NR2C1: variants seen among roughly 807,000 people sequenced by gnomAD.
The protein encoded by NR2C1 is TR2 nuclear hormone receptor.
NR2C1 carries 33 observed loss-of-function variants against 74.8 expected under a neutral mutation model. That is an observed-to-expected ratio of 0.44 (90% CI 0.33 to 0.59). The LOEUF (loss-of-function observed/expected upper bound fraction) is 0.59. NR2C1 is among the 20% of genes least tolerant of loss of function. NR2C1 has a pLI of 0.02. For missense variants in NR2C1, 568 were observed against 715.6 expected, an observed-to-expected ratio of 0.79 and a Z score of 2.35; for synonymous variants, 225 against 240.6, an observed-to-expected ratio of 0.94 and a Z score of 0.60.
At chr12:95,030,322 C>A in intron 11 of NR2C1, 3 of 561,434 alleles carry the variant, frequency 5.3e-6, no homozygotes, top group Admixed American at 4.4e-5. Flanking sequence ...TGAGCAAAAC[C>A]ATCTACATGT....
Position 95,051,947 on chromosome 12 carries a change from T to A in NR2C1, c.784-4A>T. 1.9e-5 allele frequency: 29 copies of A among 1,524,932 alleles called. No homozygotes were observed. Among genetic ancestry groups the A allele is most frequent in the South Asian group, 7.5e-5 (6 of 79,486 alleles). The allele number at this position is 1,524,932 out of a possible 1,614,324, so 94.5% of individuals were successfully genotyped here. A position where few individuals can be genotyped will look rare whatever the true frequency, so the allele number is the denominator to read the frequency against. On this transcript the variant is annotated splice_region_variant and splice_polypyrimidine_tract_variant and intron_variant, in intron 7 of 13. Transcript: ENST00000333003. ...AATCTCCCTGACATGATTCAGCCTT[T>A]AAAAAAAAGGGTATTAAAATTCTGT...
intron 7 of NR2C1, among the ~76,000 whole-genome samples, chr12:95,056,137 G>A (rs571769374): frequency 1.8e-4 from 28 of 151,684 alleles, no homozygotes; most frequent in African/African-American, 6.3e-4. Flanking sequence ...ACAGTGTCAC[G>A]TGCCTGCAGC....
chr12:95,035,018 A>G (rs1870641741), intron 10 of NR2C1, among the ~76,000 whole-genome samples: 2 of 152,224 alleles, frequency 1.3e-5, no homozygotes, highest in Admixed American at 1.3e-4. Context: ...TGGATATAAT[A>G]ACAAAGAAAA....
At chr12:95,028,696 C>T (rs1294949786) in intron 11 of NR2C1, among the ~76,000 whole-genome samples, 172 bp from the exon 12 acceptor site, 1 of 152,176 alleles carries the variant, frequency 6.6e-6, no homozygotes, top group Admixed American at 6.5e-5. Flanking sequence ...GTGCGGTGAT[C>T]TTGGCTCACT....
rs1873036743 is a variant in NR2C1 at position 95,051,748 on chromosome 12, A to G, written c.965+14T>C. 6.3e-7 allele frequency: 1 copy of G among 1,578,464 alleles called. No individual in the cohort carries two copies. The highest frequency in any genetic ancestry group is 1.4e-5 in the African/African-American group (1 of 72,776). On this transcript the variant is annotated intron_variant, in intron 8 of 13. Transcript: ENST00000333003. The stretch of plus-strand genomic sequence containing the variant: ...TGTAAACAAAAGGACATTGATAATC[A>G]AAAGATACCTTACCTTGAAACATCA...
At chr12:95,069,852 TA>T (rs62953662) in intron 1 of NR2C1, among the ~76,000 whole-genome samples, 2 of 150,760 alleles carry the variant, frequency 1.3e-5, no homozygotes, top group African/African-American at 2.4e-5. Context: ...CTCAACCTTA[TA>T]AAAAAAAAGC....
At chr12:95,027,245 G>A (rs1339586092) in intron 12 of NR2C1, among the ~76,000 whole-genome samples, 1 of 152,018 alleles carries the variant, frequency 6.6e-6, no homozygotes, top group Non-Finnish European at 1.5e-5. Flanking sequence ...GATTTTTGTA[G>A]AGAAGAGGTC....
intron 10 of NR2C1, among the ~76,000 whole-genome samples, chr12:95,031,864 A>G (rs1870153374): frequency 6.6e-6 from 1 of 152,314 alleles, no homozygotes; most frequent in Admixed American, 6.5e-5. Context: ...AGAAAGAGCA[A>G]TTCAAATTAT....
intron 11 of NR2C1, chr12:95,030,622 C>A (rs1266968573): frequency 6.2e-7 from 1 of 1,612,896 alleles, no homozygotes; most frequent in African/African-American, 1.3e-5. Context: ...AAGGTGATTA[C>A]CCCTCTGCTG....
At chr12:95,063,686 A>AAG (rs397762240) in intron 2 of NR2C1, among the ~76,000 whole-genome samples, 1 of 150,724 alleles carries the variant, frequency 6.6e-6, no homozygotes, top group African/African-American at 2.5e-5. Flanking sequence ...AAAAAAAAAA[A>AAG]GAAGTATAAA....
chr12:95,037,850 G>A (rs1011903401), intron 10 of NR2C1, among the ~76,000 whole-genome samples: 7 of 146,028 alleles, frequency 4.8e-5, no homozygotes, highest in South Asian at 2.1e-4. Context: ...AGCGGAGATC[G>A]TGCCACTGCA....
intron 2 of NR2C1, chr12:95,067,070 A>C: frequency 2.0e-6 from 1 of 503,328 alleles, no homozygotes; most frequent in Non-Finnish European, 3.5e-6. Flanking sequence ...ACAGCTCTTT[A>C]ATTTCTTTCC....
intron 9 of NR2C1, among the ~76,000 whole-genome samples, chr12:95,043,340 A>G (rs934788740): frequency 3.3e-5 from 5 of 152,100 alleles, no homozygotes; most frequent in African/African-American, 1.2e-4. Context: ...GGGAATTACC[A>G]AAAATTACTA....
chr12:95,057,404 C>G, intron 7 of NR2C1, 149 bp downstream of exon 7: 2 of 593,974 alleles, frequency 3.4e-6, no homozygotes, highest in Non-Finnish European at 5.6e-6. Context: ...TGTGCCCAGC[C>G]GAACATTTCT....
intron 1 of NR2C1, among the ~76,000 whole-genome samples, chr12:95,071,246 G>C (rs1876553136): frequency 6.6e-6 from 1 of 151,628 alleles, no homozygotes; most frequent in Non-Finnish European, 1.5e-5. Context: ...TTTTTACCCA[G>C]TCTTTCTTGA....
intron 11 of NR2C1, chr12:95,030,785 G>A: frequency 6.2e-7 from 1 of 1,612,812 alleles, no homozygotes; most frequent in Non-Finnish European, 8.5e-7. Flanking sequence ...ACTGTTTTGG[G>A]TAGTCATAAG....
chr12:95,058,549 T>A, intron 4 of NR2C1, 60 bp from the exon 5 acceptor site: 1 of 1,365,658 alleles, frequency 7.3e-7, no homozygotes. Flanking sequence ...AGAAATGACA[T>A]AAGCCAATTT....
intron 1 of NR2C1, among the ~76,000 whole-genome samples, chr12:95,071,061 T>A (rs1876522783): frequency 6.6e-6 from 1 of 151,882 alleles, no homozygotes; most frequent in Non-Finnish European, 1.5e-5. Flanking sequence ...TTTAGCCGGG[T>A]GTGGTGGACG....
intron 9 of NR2C1, among the ~76,000 whole-genome samples, chr12:95,045,277 C>T (rs1872166637): frequency 6.6e-6 from 1 of 152,122 alleles, no homozygotes; most frequent in Non-Finnish European, 1.5e-5. Context: ...AAACCATGAG[C>T]AGCTGGGTCA....
Sources: gnomAD v4.1 joint callset for allele counts (sites outside exome capture counted in the v4.1 genomes callset) on GRCh38, gnomAD v4.1.1 for gene constraint, MANE v1.5 for transcripts, NCBI Gene and HGNC (gene_info 2026-07-23, HGNC 2026-07-21) for gene names.